ADD3: variants seen among roughly 807,000 people sequenced by gnomAD.
The protein encoded by ADD3 is gamma-adducin.
Under a neutral mutation model 80.2 loss-of-function variants are expected in ADD3, and 25 were observed. That is an observed-to-expected ratio of 0.31 (90% confidence interval 0.23 to 0.44). ADD3 has a LOEUF of 0.44. ADD3 is among the 20% of genes least tolerant of loss of function. ADD3 has a pLI of 1.00. For synonymous variants in ADD3, 284 were observed against 289.6 expected, an observed-to-expected ratio of 0.98 and a Z score of 0.20; for missense variants, 829 against 847.5, an observed-to-expected ratio of 0.98 and a Z score of 0.27.
Position 110,083,046 on chromosome 10 carries a change from TTGAG to T in ADD3, c.-29-17577_-29-17574del, listed in dbSNP as rs1369651554. Among the ~76,000 whole-genome samples, 3 of 152,304 alleles carry T rather than the reference TTGAG, an allele frequency of 2.0e-5. No individual in the cohort carries two copies. The East Asian group carries it at 5.8e-4, about 29-fold the overall frequency. ...ACCTCAGTGAGTTAATAAACCCTTA[TTGAG>T]TAACTCTAAGTGGACAGTAAAGAAA... On this transcript the variant is annotated intron_variant, in intron 1 of 14. Transcript: ENST00000356080.
intron 1 of ADD3, among the ~76,000 whole-genome samples, chr10:110,071,764 C>G (rs1432710414): frequency 6.6e-6 from 1 of 152,170 alleles, no homozygotes. Flanking sequence ...TACAACCTCA[C>G]TAGTTTGGTG....
At position 110,116,320 on chromosome 10, in the gene ADD3, G is replaced by A. The variant is rs769014244; in HGVS notation, c.396G>A (p.Lys132=). 1 of 1,614,100 alleles carries A rather than the reference G, an allele frequency of 6.2e-7. No homozygotes were observed. The highest frequency in any genetic ancestry group is 1.1e-5 in the South Asian group (1 of 91,074). ...GTGCAGATACATCCTCATATGTGAA[G>A]GGAGAAAAACTTACTCGCTGTAAAC... is the stretch of plus-strand genomic sequence containing the variant. ...LPGADTSSYV[K]GEKLTRCKLA... Residue 132 remains lysine (K), a synonymous_variant, in exon 4 of 15, where the codon AAG becomes AAA. Coordinates refer to ENST00000356080, the MANE Select transcript of ADD3 (RefSeq NM_016824.5).
chr10:110,038,685 A>T (rs1242314281), intron 1 of ADD3, among the ~76,000 whole-genome samples: 2 of 152,168 alleles, frequency 1.3e-5, no homozygotes, highest in African/African-American at 2.4e-5. Context: ...GTATTCATTG[A>T]CTCGATAATT....
intron 1 of ADD3, among the ~76,000 whole-genome samples, chr10:110,063,740 TATATATATA>T (rs1564913811): frequency 0.017 from 369 of 21,958 alleles, 4 homozygotes; most frequent in African/African-American, 0.056. Flanking sequence ...ATATTCATTA[TATATATATA>T]TATATATATA....
intron 1 of ADD3, among the ~76,000 whole-genome samples, chr10:110,023,040 A>T (rs1853863524): frequency 6.6e-6 from 1 of 152,178 alleles, no homozygotes; most frequent in South Asian, 2.1e-4. Context: ...AGGCATAATC[A>T]AATGTCTCTG....
Position 110,130,456 on chromosome 10 carries a change from A to G in ADD3, c.1702A>G (p.Thr568Ala). 1 of 1,614,036 alleles carries G rather than the reference A, an allele frequency of 6.2e-7. No individual in the cohort carries two copies. The highest frequency in any genetic ancestry group is 1.3e-5 in the African/African-American group (1 of 75,054). The change falls in exon 13 of 15, where the codon ACA (threonine) becomes GCA (alanine). Residue 568 changes from threonine to alanine, a missense_variant. Thr to Ala is a moderately conservative substitution (Grantham distance 58). Transcript: ENST00000356080. The part of the protein sequence containing the change: ...TEGELEEYKR[T>A]IERKQQGLED... ...AGGAGAACTTGAAGAGTATAAGAGG[A>G]CAATCGAACGTAAACAACAAGGCCT...
rs755609771 is a variant in ADD3 at position 110,112,905 on chromosome 10, A to T, written c.324A>T (p.Ser108=). ...CCAATTCTTTCTCGGGTTTTTCTTC[A>T]CCTCCTCTCAGTATGTCAGTTTTGG... ...IMANSFSGFS[S]PPLSLGMVTP... Residue 108 remains serine, a synonymous_variant, in exon 3 of 15, where the codon TCA becomes TCT. Coordinates refer to ENST00000356080, the MANE Select transcript of ADD3 (RefSeq NM_016824.5). 4.3e-6 allele frequency: 7 copies of T among 1,613,208 alleles called. No individual in the cohort carries two copies. The highest frequency in any genetic ancestry group is 5.9e-6 in the Non-Finnish European group (7 of 1,179,780).
chr10:110,069,517 C>T (rs1384632998), intron 1 of ADD3, among the ~76,000 whole-genome samples: 4 of 152,126 alleles, frequency 2.6e-5, no homozygotes, highest in Non-Finnish European at 5.9e-5. Flanking sequence ...ACTTAAGTGC[C>T]TTACAAAACA....
chr10:110,112,082 C>G (rs1850100739), intron 2 of ADD3: 1 of 151,934 alleles, frequency 6.6e-6, no homozygotes. Flanking sequence ...GCCATTGAAT[C>G]ACTCTGTATT....
intron 1 of ADD3, among the ~76,000 whole-genome samples, chr10:110,060,803 T>C (rs977245844): frequency 2.6e-5 from 4 of 152,218 alleles, no homozygotes; most frequent in Non-Finnish European, 5.9e-5. Context: ...TCATTGTTGC[T>C]ATAGAGGAAT....
At chr10:110,035,048 C>G (rs1412180497) in intron 1 of ADD3, among the ~76,000 whole-genome samples, 1 of 152,170 alleles carries the variant, frequency 6.6e-6, no homozygotes, top group Non-Finnish European at 1.5e-5. Context: ...TTTGGAAGAC[C>G]ATGTTTGTTA....
At chr10:110,114,924 T>C (rs548284173) in intron 3 of ADD3, among the ~76,000 whole-genome samples, 1 of 147,522 alleles carries the variant, frequency 6.8e-6, no homozygotes, top group Non-Finnish European at 1.5e-5. Context: ...CTAAACAAAT[T>C]AAAAAATTAG....
rs555684465 is a variant in ADD3, at chr10:110,110,101, C to T, written c.196-2676C>T. Among the ~76,000 whole-genome samples the T allele has an allele frequency of 4.5e-4, 69 of 152,328 alleles. 1 individual carries two copies. In the South Asian group the frequency reaches 0.012, roughly 26 times the overall value. Reference sequence around the variant, plus strand: ...AAAAGCCATATTTAACTGGTGCAAACTGCTCCATGAACTTAGGATTCAAAT... The same window carrying T: ...AAAAGCCATATTTAACTGGTGCAAATTGCTCCATGAACTTAGGATTCAAAT... On this transcript the variant is annotated intron_variant, in intron 2 of 14. Coordinates refer to ENST00000356080, the MANE Select transcript of ADD3 (RefSeq NM_016824.5).
chr10:110,032,404 C>T (rs942900572), intron 1 of ADD3, among the ~76,000 whole-genome samples: 1 of 151,994 alleles, frequency 6.6e-6, no homozygotes, highest in Non-Finnish European at 1.5e-5. Context: ...CAGGCTCAAG[C>T]AAGTGGTGGT....
chr10:110,087,839 G>A (rs1376291961), intron 1 of ADD3, among the ~76,000 whole-genome samples: 1 of 152,132 alleles, frequency 6.6e-6, no homozygotes, highest in African/African-American at 2.4e-5. Flanking sequence ...TGCAATCCCG[G>A]TGGCTAAAAA....
At chr10:110,086,651 C>T (rs1447193026) in intron 1 of ADD3, among the ~76,000 whole-genome samples, 4 of 152,172 alleles carry the variant, frequency 2.6e-5, no homozygotes, top group African/African-American at 9.7e-5. Flanking sequence ...GCTTGCTCTC[C>T]TGCCACCATG....
intron 1 of ADD3, among the ~76,000 whole-genome samples, chr10:110,026,590 T>C (rs1683830700): frequency 6.6e-6 from 1 of 152,132 alleles, no homozygotes; most frequent in African/African-American, 2.4e-5. Context: ...GATTGTACTT[T>C]TAAGTCAGTT....
chr10:110,100,132 A>T, intron 1 of ADD3, among the ~76,000 whole-genome samples: 3 of 152,290 alleles, frequency 2.0e-5, no homozygotes, highest in Middle Eastern at 6.8e-3. Context: ...GCAGACCATG[A>T]GATCAGTAGT....
chr10:110,003,302 G>GGGGTGTGTGTGTGTGTGTGTGTGT (rs140966434), upstream of ADD3, among the ~76,000 whole-genome samples: 565 of 147,014 alleles, frequency 3.8e-3, 3 homozygotes, highest in East Asian at 0.016. Flanking sequence ...GAACAGTAAG[G>GGGGTGTGTGTGTGTGTGTGTGTGT]GTGTGTGTGT....
Sources: allele counts gnomAD v4.1 joint callset (sites outside exome capture counted in the v4.1 genomes callset), GRCh38; gene constraint gnomAD v4.1.1; transcripts MANE v1.5; gene names NCBI Gene and HGNC (gene_info 2026-07-23, HGNC 2026-07-21).